Variants in TENM4 observed in about 807,000 individuals in gnomAD.
TENM4 encodes teneurin transmembrane protein 4.
TENM4 carries 82 observed loss-of-function variants against 243.3 expected under a neutral mutation model. The ratio of observed to expected loss-of-function variants is 0.34; its 90% CI spans 0.28 to 0.40. TENM4 has a LOEUF of 0.40. Ranked by LOEUF, TENM4 falls within the 10% of genes least tolerant of loss-of-function variation. The pLI, the probability that TENM4 is intolerant of heterozygous loss-of-function variation, is 1.00. For missense variants in TENM4, 3,138 were observed against 3,673.3 expected, an observed-to-expected ratio of 0.85 and a Z score of 3.77; for synonymous variants, 1,412 against 1,456.3, an observed-to-expected ratio of 0.97 and a Z score of 0.69.
intron 6 of TENM4, among the ~76,000 whole-genome samples, chr11:78,982,285 C>T (rs1398316255): frequency 6.6e-6 from 1 of 152,160 alleles, no homozygotes; most frequent in Non-Finnish European, 1.5e-5. Flanking sequence ...CCTTGTCTAA[C>T]AAGGCAGATA....
In TENM4 at chr11:78,661,547, C is replaced by A; in HGVS notation, c.7453G>T (p.Val2485Leu). The A allele has an allele frequency of 1.2e-6, 2 of 1,613,298 alleles. No homozygotes were observed. The highest frequency in any genetic ancestry group is 1.7e-5 in the Admixed American group (1 of 59,944). ...TCTGGTTTGGGATAACCAGGGATCA[C>A]GTTGTGTAGCTGGAATCCAAAGGTG... ...LLTFGFQLHN[V>L]IPGYPKPDMD... Residue 2485 changes from valine to leucine, a missense_variant, in exon 33 of 34, where the codon GTG becomes TTG. Transcript: ENST00000278550.
intron 29 of TENM4, among the ~76,000 whole-genome samples, chr11:78,677,447 G>A (rs1300671846): frequency 3.3e-5 from 5 of 151,866 alleles, no homozygotes; most frequent in African/African-American, 1.2e-4. Context: ...GTAGAGACCA[G>A]GTTTCAATAT....
intron 6 of TENM4, among the ~76,000 whole-genome samples, chr11:78,946,682 T>C (rs1857007647): frequency 6.6e-6 from 1 of 152,188 alleles, no homozygotes; most frequent in African/African-American, 2.4e-5. Flanking sequence ...CTAAATACCA[T>C]TAAGAATGCT....
intron 4 of TENM4, among the ~76,000 whole-genome samples, chr11:79,108,820 C>T (rs563663702): frequency 1.3e-5 from 2 of 152,202 alleles, no homozygotes; most frequent in African/African-American, 2.4e-5. Context: ...GACCTGGAAA[C>T]GGTGGAAAAT....
chr11:79,385,967 G>T (rs1436871089), intron 1 of TENM4, among the ~76,000 whole-genome samples: 1 of 152,120 alleles, frequency 6.6e-6, no homozygotes, highest in Non-Finnish European at 1.5e-5. Flanking sequence ...CAAAAAAACA[G>T]CATATTATGT....
chr11:79,171,920 T>C (rs976476554), intron 3 of TENM4, among the ~76,000 whole-genome samples: 4 of 152,174 alleles, frequency 2.6e-5, no homozygotes, highest in Admixed American at 1.3e-4. Context: ...CCAAAGCAGG[T>C]CACTTTTGAG....
At chr11:79,314,272 G>C (rs911193011) in intron 1 of TENM4, among the ~76,000 whole-genome samples, 9 of 152,218 alleles carry the variant, frequency 5.9e-5, no homozygotes, top group Non-Finnish European at 1.2e-4. Flanking sequence ...TAATCACTAA[G>C]CATAGTGCCT....
At chr11:79,132,208 C>T (rs1209842036) in intron 4 of TENM4, among the ~76,000 whole-genome samples, 6 of 151,040 alleles carry the variant, frequency 4.0e-5, no homozygotes, top group Non-Finnish European at 7.4e-5. Flanking sequence ...GAGCCGGGCG[C>T]GGTGGTGGGT....
At chr11:78,944,179 G>A (rs1565137615) in intron 6 of TENM4, among the ~76,000 whole-genome samples, 1 of 152,146 alleles carries the variant, frequency 6.6e-6, no homozygotes. Flanking sequence ...AATCTGCCTG[G>A]GATGAACTAG....
At chr11:78,778,880 CA>C (rs1365205448) in intron 16 of TENM4, among the ~76,000 whole-genome samples, 5 of 152,156 alleles carry the variant, frequency 3.3e-5, no homozygotes, top group Non-Finnish European at 7.3e-5. Context: ...GAAATGTGAT[CA>C]CAGAAACAAG....
At position 78,964,803 on chromosome 11, in the gene TENM4, GGTTT is replaced by G. The variant is rs377177474; in HGVS notation, c.494-61284_494-61281del. Among the ~76,000 whole-genome samples the G allele has an allele frequency of 3.9e-4, 60 of 152,188 alleles. No individual in the cohort carries two copies. The East Asian group carries it at 0.011, about 27-fold the overall frequency. On this transcript the variant is annotated intron_variant, in intron 6 of 33. Coordinates refer to ENST00000278550, the MANE Select transcript of TENM4 (RefSeq NM_001098816.3). ...GAGCTTTGGAGTTCAACAGAATTGG[GGTTT>G]GTATCACAGACTTACCTCCTATTAG...
chr11:79,170,387 A>T (rs921179788), intron 3 of TENM4, among the ~76,000 whole-genome samples: 1 of 152,202 alleles, frequency 6.6e-6, no homozygotes, highest in African/African-American at 2.4e-5. Context: ...TTATAGGTCA[A>T]ACAGCATTGC....
chr11:79,359,715 G>A (rs1453988941), intron 1 of TENM4, among the ~76,000 whole-genome samples: 4 of 152,084 alleles, frequency 2.6e-5, no homozygotes, highest in African/African-American at 9.7e-5. Flanking sequence ...TAGAGAGAAG[G>A]AAAACTGCAG....
chr11:79,194,117 T>C (rs1433257508), intron 3 of TENM4, among the ~76,000 whole-genome samples: 1 of 152,026 alleles, frequency 6.6e-6, no homozygotes, highest in East Asian at 1.9e-4. Flanking sequence ...AGGGGGTTTT[T>C]GCTTTTACTT....
intron 6 of TENM4, among the ~76,000 whole-genome samples, chr11:78,921,893 C>G (rs73500671): frequency 0.051 from 7,821 of 152,210 alleles, 637 homozygotes; most frequent in African/African-American, 0.17. Context: ...CTACTATGTC[C>G]AAGATCATGT....
At chr11:79,316,219 A>G (rs1856800358) in intron 1 of TENM4, among the ~76,000 whole-genome samples, 1 of 151,928 alleles carries the variant, frequency 6.6e-6, no homozygotes, top group South Asian at 2.1e-4. Flanking sequence ...AATGAAAGAT[A>G]TAAAAACAGA....
intron 4 of TENM4, among the ~76,000 whole-genome samples, chr11:79,088,408 T>C (rs1860867680): frequency 6.6e-6 from 1 of 152,144 alleles, no homozygotes; most frequent in African/African-American, 2.4e-5. Flanking sequence ...ACATTCCTGT[T>C]AGAAAGAAAG....
At chr11:79,337,144 C>T (rs1187822479) in intron 1 of TENM4, among the ~76,000 whole-genome samples, 1 of 152,244 alleles carries the variant, frequency 6.6e-6, no homozygotes, top group African/African-American at 2.4e-5. Context: ...ATCCACGTAG[C>T]AACTTACAAT....
intron 6 of TENM4, among the ~76,000 whole-genome samples, chr11:79,047,120 A>C (rs1480286518): frequency 6.6e-6 from 1 of 152,232 alleles, no homozygotes. Flanking sequence ...CTTAATTAAA[A>C]GTAACGGCAA....
Sources: gnomAD v4.1 joint callset for allele counts (sites outside exome capture counted in the v4.1 genomes callset) on GRCh38, gnomAD v4.1.1 for gene constraint, MANE v1.5 for transcripts, NCBI Gene and HGNC (gene_info 2026-07-23, HGNC 2026-07-21) for gene names.